The following NFAT5 variants were observed in gnomAD, a reference collection of about 807,000 sequenced individuals.
The protein encoded by NFAT5 is nuclear factor of activated T-cells 5.
In NFAT5, 31 loss-of-function variants were observed where a neutral mutation model predicts 166.5. The ratio of observed to expected loss-of-function variants is 0.19; its 90% CI spans 0.14 to 0.25. The LOEUF (loss-of-function observed/expected upper bound fraction) is 0.25, where lower values mean the gene tolerates loss of function less well. NFAT5 is among the 10% of genes least tolerant of loss of function. The pLI, the probability that NFAT5 is intolerant of heterozygous loss-of-function variation, is 1.00. For synonymous variants in NFAT5, 612 were observed against 639.7 expected (o/e 0.96, Z 0.65); for missense variants, 1,449 against 1,821.8 (o/e 0.80, Z 3.72).
chr16:69,686,638 T>C (rs143214103), intron 11 of NFAT5, among the ~76,000 whole-genome samples: 1 of 151,980 alleles, frequency 6.6e-6, no homozygotes, highest in Non-Finnish European at 1.5e-5. Context: ...CTGAGGTGAT[T>C]GGATCACCTG....
chr16:69,626,404 A>T lies in NFAT5; in HGVS notation c.129A>T (p.Glu43Asp). ...CTCCTCTCTTTCCCCTCCCCACAGAATCTGTCTATGATCTTCTCCCAAAGG... is the reference window on the plus strand; with the variant it reads ...CTCCTCTCTTTCCCCTCCCCACAGATTCTGTCTATGATCTTCTCCCAAAGG... ...QNFHRAGLLE[E>D]SVYDLLPKEL... is the part of the protein sequence containing the mutation. Residue 43 changes from glutamate to aspartate, a missense_variant and splice_region_variant, in exon 3 of 15, where the codon GAA becomes GAT. Physicochemically the swap from Glu to Asp is conservative, Grantham distance 45 (BLOSUM62 2). This residue lies in a region of NFAT5 where 172 missense variants were observed against 194.5 expected (regional missense o/e 0.88). Transcript: ENST00000349945. 6.4e-7 allele frequency: 1 copy of T among 1,559,060 alleles called. No individual in the cohort carries two copies. Among genetic ancestry groups the T allele is most frequent in the Non-Finnish European group, 8.6e-7 (1 of 1,158,312 alleles).
chr16:69,647,652 C>G lies in NFAT5; in HGVS notation c.812+66C>G. ...AAAACAAACAAACAAAAAAAATTCCCAATTTTTCCTAATTGCTGAGCTCAA... is the reference window on the plus strand; with the variant it reads ...AAAACAAACAAACAAAAAAAATTCCGAATTTTTCCTAATTGCTGAGCTCAA... On this transcript the variant is annotated intron_variant, in intron 4 of 14. Coordinates refer to ENST00000349945, the MANE Select transcript of NFAT5 (RefSeq NM_138713.4). The surrounding 1 kb of genome is among the most constrained non-coding windows in gnomAD (Gnocchi z 4.8). The G allele has an allele frequency of 7.1e-7, 1 of 1,409,138 alleles. No individual in the cohort carries two copies. Among genetic ancestry groups the G allele is most frequent in the Non-Finnish European group, 9.5e-7 (1 of 1,055,048 alleles). 87.3% of individuals were successfully genotyped at this position (1,409,138 alleles called of 1,614,324 possible).
At chr16:69,661,201 T>C (rs1450194072) in intron 7 of NFAT5, among the ~76,000 whole-genome samples, 1 of 150,766 alleles carries the variant, frequency 6.6e-6, no homozygotes, top group Admixed American at 6.6e-5. Flanking sequence ...TCCTGTTTCC[T>C]TCTGTCTCCC....
In NFAT5 at chr16:69,703,077, C is replaced by T. The variant is rs1295934987; in HGVS notation, c.*6726C>T. 1 of 152,546 alleles carries T rather than the reference C, an allele frequency of 6.6e-6. No individual in the cohort carries two copies. Among genetic ancestry groups the T allele is most frequent in the African/African-American group, 2.4e-5 (1 of 41,404 alleles). 9.4% of individuals were successfully genotyped at this position (152,546 alleles called of 1,614,324 possible). On this transcript the variant is annotated 3_prime_UTR_variant, in exon 15 of 15. Coordinates refer to ENST00000349945, the MANE Select transcript of NFAT5 (RefSeq NM_138713.4). Reference sequence around the variant, plus strand: ...CTCCTGTTTATCCATAAAATGGGTACATTATGGGCAGTGTAATACAAGCTT... The same window carrying T: ...CTCCTGTTTATCCATAAAATGGGTATATTATGGGCAGTGTAATACAAGCTT...
chr16:69,690,020 G>T (rs1184727801), intron 11 of NFAT5, among the ~76,000 whole-genome samples: 1 of 152,194 alleles, frequency 6.6e-6, no homozygotes, highest in Non-Finnish European at 1.5e-5. Context: ...CTTCCAAGTG[G>T]TAGTAAACTT....
At chr16:69,618,762 A>G (rs1450749254) in intron 2 of NFAT5, among the ~76,000 whole-genome samples, 1 of 152,208 alleles carries the variant, frequency 6.6e-6, no homozygotes, top group African/African-American at 2.4e-5. Context: ...AGTAAAATCT[A>G]ATATTTAAAA....
intron 2 of NFAT5, among the ~76,000 whole-genome samples, chr16:69,616,477 A>G (rs139219841): frequency 1.3e-5 from 2 of 151,804 alleles, no homozygotes; most frequent in East Asian, 3.9e-4. Context: ...GATCCTTCTC[A>G]TTCTATTCAT....
intron 3 of NFAT5, among the ~76,000 whole-genome samples, chr16:69,631,410 G>A (rs898413054): frequency 2.6e-5 from 4 of 151,976 alleles, no homozygotes; most frequent in Non-Finnish European, 4.4e-5. Context: ...CAGCCTGGGC[G>A]ATAGAGTGAG....
intron 10 of NFAT5, among the ~76,000 whole-genome samples, chr16:69,680,174 A>T (rs955956118): frequency 1.3e-5 from 2 of 152,220 alleles, no homozygotes; most frequent in South Asian, 4.1e-4. Flanking sequence ...ACTGATAGTT[A>T]CTAAATATTG....
chr16:69,622,198 C>T (rs922442472), intron 2 of NFAT5, among the ~76,000 whole-genome samples: 3 of 152,096 alleles, frequency 2.0e-5, no homozygotes, highest in African/African-American at 7.2e-5. Flanking sequence ...GAGGGAATAT[C>T]TTTGGGGTAC....
At chr16:69,580,539 A>T (rs1456840668) in intron 2 of NFAT5, among the ~76,000 whole-genome samples, 1 of 151,628 alleles carries the variant, frequency 6.6e-6, no homozygotes, top group Non-Finnish European at 1.5e-5. Context: ...AAAAAAAAAA[A>T]GTTTAGGCAT....
At chr16:69,608,911 G>A (rs1304605073) in intron 2 of NFAT5, among the ~76,000 whole-genome samples, 1 of 151,912 alleles carries the variant, frequency 6.6e-6, no homozygotes, top group East Asian at 1.9e-4. Context: ...CACGAGGTCA[G>A]GAGATCGAGA....
Position 69,704,600 on chromosome 16 carries a change from G to A in NFAT5, c.*8249G>A, listed in dbSNP as rs1156887008. The A allele has an allele frequency of 6.6e-6, 1 of 152,490 alleles. No homozygotes were observed. Among genetic ancestry groups the A allele is most frequent in the Non-Finnish European group, 1.5e-5 (1 of 68,024 alleles). 9.4% of individuals were successfully genotyped at this position (152,490 alleles called of 1,614,324 possible). Reference sequence around the variant, plus strand: ...CTTCTATTGGAACATTTGTATACTCGCAACTATATTTCTGTAAACAGCTGC... The same window carrying A: ...CTTCTATTGGAACATTTGTATACTCACAACTATATTTCTGTAAACAGCTGC... On this transcript the variant is annotated 3_prime_UTR_variant, in exon 15 of 15. Transcript: ENST00000349945.
chr16:69,642,364 CTTTACA>C (rs2035251554), intron 3 of NFAT5, among the ~76,000 whole-genome samples: 1 of 152,080 alleles, frequency 6.6e-6, no homozygotes, highest in Non-Finnish European at 1.5e-5. Flanking sequence ...ATACAGGATA[CTTTACA>C]TATGACACTT....
At chr16:69,646,856 A>G (rs2035457674) in intron 3 of NFAT5, among the ~76,000 whole-genome samples, 172 bp from the exon 4 acceptor site, 2 of 152,238 alleles carry the variant, frequency 1.3e-5, no homozygotes, top group South Asian at 4.1e-4. Context: ...TAAAAATTCC[A>G]TTTCTTAGGC....
At chr16:69,671,094 T>C (rs1239705477) in intron 9 of NFAT5, among the ~76,000 whole-genome samples, 1 of 152,252 alleles carries the variant, frequency 6.6e-6, no homozygotes, top group Non-Finnish European at 1.5e-5. Context: ...AAATTTATTT[T>C]TTATTCCTTT....
chr16:69,624,902 T>A (rs897587408), intron 2 of NFAT5, among the ~76,000 whole-genome samples: 9 of 150,128 alleles, frequency 6.0e-5, no homozygotes, highest in African/African-American at 2.0e-4. Flanking sequence ...GTTCTTTTTT[T>A]TAAAAAAAAA....
chr16:69,630,456 C>T (rs912543773), intron 3 of NFAT5, among the ~76,000 whole-genome samples: 2 of 152,140 alleles, frequency 1.3e-5, no homozygotes, highest in African/African-American at 4.8e-5. Flanking sequence ...CAGGTGTAAG[C>T]CACCACACTG....
intron 2 of NFAT5, among the ~76,000 whole-genome samples, chr16:69,580,510 G>T (rs992139266): frequency 1.4e-5 from 2 of 146,656 alleles, no homozygotes; most frequent in Non-Finnish European, 1.5e-5. Context: ...TAGCCTGGGC[G>T]ACAAGAGCGA....
Sources: gnomAD v4.1 joint callset for allele counts (sites outside exome capture counted in the v4.1 genomes callset) on GRCh38, gnomAD v4.1.1 for gene constraint, gnomAD v4.1.1 regional missense constraint, Gnocchi (gnomAD v3.1) non-coding constraint, MANE v1.5 for transcripts, NCBI Gene and HGNC (gene_info 2026-07-23, HGNC 2026-07-21) for gene names.